Variants in DST observed in about 807,000 individuals in gnomAD.
DST encodes the protein bullous pemphigoid antigen.
In DST, 253 loss-of-function variants were observed where a neutral mutation model predicts 875.2. The observed-to-expected ratio is 0.29, with a 90% CI of 0.26 to 0.32. The LOEUF is 0.32. DST is among the 10% of genes least tolerant of loss of function. The pLI, the probability that DST is intolerant of heterozygous loss-of-function variation, is 1.00. For missense variants in DST, 8,287 were observed against 9,111.6 expected (o/e 0.91, Z 3.68); for synonymous variants, 3,124 against 3,197.1 (o/e 0.98, Z 0.77).
In DST at chr6:56,616,960, T is replaced by C. The variant is rs376926879; in HGVS notation, c.4930-2476A>G. 8 of 1,604,272 alleles carry C rather than the reference T, an allele frequency of 5.0e-6. No individual in the cohort carries two copies. The highest frequency in any genetic ancestry group is 6.0e-6 in the Non-Finnish European group (7 of 1,174,550). On this transcript the variant is annotated intron_variant, in intron 36 of 103. Coordinates refer to ENST00000680361, the MANE Select transcript of DST (RefSeq NM_001374736.1). ...CTGTTGCAGCCTGAGCTTCTAAAAA[T>C]GCCAAAGCCACCATTTTGTCTATTA... is the stretch of plus-strand genomic sequence containing the variant.
At chr6:56,931,973 T>A (rs1004568346) in intron 2 of DST, among the ~76,000 whole-genome samples, 5 of 152,056 alleles carry the variant, frequency 3.3e-5, no homozygotes, top group Admixed American at 2.6e-4. Flanking sequence ...TGGGAAGGCA[T>A]GATTGGTTTT....
chr6:56,467,459 C>T (rs558684027), intron 98 of DST: 1 of 152,114 alleles, frequency 6.6e-6, no homozygotes, highest in African/African-American at 2.4e-5. Flanking sequence ...AATCTTTTTT[C>T]CTTAAACATT....
At chr6:56,818,230 A>C (rs2099768911) in intron 4 of DST, among the ~76,000 whole-genome samples, 1 of 152,292 alleles carries the variant, frequency 6.6e-6, no homozygotes, top group Non-Finnish European at 1.5e-5. Flanking sequence ...TAGGAAACTA[A>C]TACAATTTCC....
Position 56,582,492 on chromosome 6 carries a change from C to A in DST, c.12904-3555G>T, listed in dbSNP as rs2098026158. Among the ~76,000 whole-genome samples, 3 of 150,816 alleles carry A rather than the reference C, an allele frequency of 2.0e-5. No individual in the cohort carries two copies. In the Admixed American group the frequency reaches 2.0e-4, roughly 10 times the overall value. On this transcript the variant is annotated intron_variant, in intron 49 of 103. Coordinates refer to ENST00000680361, the MANE Select transcript of DST (RefSeq NM_001374736.1). The stretch of plus-strand genomic sequence containing the variant: ...CACCATGAGTAAAAGTTCCCTGAGG[C>A]TTCCCCAGAAGCTGAGTGATGTCAG...
chr6:56,949,763 A>G (rs1343413293), intron 2 of DST, among the ~76,000 whole-genome samples: 1 of 152,238 alleles, frequency 6.6e-6, no homozygotes, highest in Non-Finnish European at 1.5e-5. Flanking sequence ...TAACCTAATT[A>G]TAAAGGATTT....
Position 56,603,371 on chromosome 6 carries a change from A to C in DST, c.10991T>G (p.Met3664Arg). Reference protein sequence around the residue: ...APIAVILRKDMKLAEEFLKSL... With the variant: ...APIAVILRKDRKLAEEFLKSL... ...CTTTAAAAACTCTTCTGCCAACTTC[A>C]TATCTTTTCTTAAAATAACAGCAAT... The change falls in exon 42 of 104, where the codon ATG (methionine) becomes AGG (arginine). Residue 3664 changes from methionine to arginine, a missense_variant. Physicochemically the swap from Met to Arg is moderately conservative, Grantham distance 91 (BLOSUM62 -1). Around this residue, in one of 10 missense-constraint regions of DST, gnomAD observed 3,138 missense variants for 3,116.6 expected, o/e 1.01. Coordinates refer to ENST00000680361, the MANE Select transcript of DST (RefSeq NM_001374736.1). 1 of 1,611,112 alleles carries C rather than the reference A, an allele frequency of 6.2e-7. No individual in the cohort carries two copies. Among genetic ancestry groups the C allele is most frequent in the Non-Finnish European group, 8.5e-7 (1 of 1,179,106 alleles).
chr6:56,915,363 C>T (rs181122485), intron 2 of DST, among the ~76,000 whole-genome samples: 1 of 152,124 alleles, frequency 6.6e-6, no homozygotes, highest in Non-Finnish European at 1.5e-5. Flanking sequence ...AGCACCCAAA[C>T]AGCAAGATTT....
At chr6:56,643,010 G>A (rs2098921102) in intron 15 of DST, 1 of 1,139,036 alleles carries the variant, frequency 8.8e-7, no homozygotes, top group Non-Finnish European at 1.2e-6. Flanking sequence ...TTTGCTAGCT[G>A]AGGTTTGCCT....
chr6:56,616,953 C>T (rs143795444), intron 36 of DST: 2 of 1,604,110 alleles, frequency 1.2e-6, no homozygotes, highest in African/African-American at 1.3e-5. Flanking sequence ...GCCTGAGCTT[C>T]TAAAAATGCC....
At chr6:56,934,430 G>A (rs1462549371) in intron 2 of DST, among the ~76,000 whole-genome samples, 1 of 151,088 alleles carries the variant, frequency 6.6e-6, no homozygotes, top group Non-Finnish European at 1.5e-5. Flanking sequence ...GTTATGGTCT[G>A]GGCTTATAAA....
intron 9 of DST, chr6:56,692,629 G>GT (rs1443293423): frequency 7.8e-7 from 1 of 1,289,702 alleles, no homozygotes; most frequent in Non-Finnish European, 1.0e-6. Context: ...AAAAACATCA[G>GT]TTTTTTCCTG....
chr6:56,636,338 ATATG>A (rs1268408620), intron 23 of DST, among the ~76,000 whole-genome samples: 1 of 150,994 alleles, frequency 6.6e-6, no homozygotes, highest in Admixed American at 6.6e-5. Flanking sequence ...GTATATATGT[ATATG>A]TATGTGTATA....
chr6:56,603,592 G>A lies in DST; in HGVS notation c.10913C>T (p.Ala3638Val). ...NQESLDNNLE[A>V]LKNQLRQLET... ...CAACTGTCTAAGTTGATTCTTCAAA[G>A]CTTCCAAGTTGTTATCCAGAGATTC... is the stretch of plus-strand genomic sequence containing the variant. Residue 3638 changes from alanine to valine, a missense_variant, in exon 41 of 104, where the codon GCT becomes GTT. Transcript: ENST00000680361. 6.2e-6 allele frequency: 10 copies of A among 1,609,784 alleles called. No individual in the cohort carries two copies. The highest frequency in any genetic ancestry group is 3.3e-5 in the South Asian group (3 of 90,742).
chr6:56,598,793 T>C (rs1209690781), intron 45 of DST, 84 bp from the exon 46 acceptor site: 2 of 784,550 alleles, frequency 2.5e-6, no homozygotes, highest in Non-Finnish European at 3.9e-6. Flanking sequence ...AAAGACAGAG[T>C]GAGTACAGAG....
At chr6:56,591,741 G>A (rs2098276198) in intron 49 of DST, among the ~76,000 whole-genome samples, 1 of 152,108 alleles carries the variant, frequency 6.6e-6, no homozygotes, top group Non-Finnish European at 1.5e-5. Flanking sequence ...GGGAGGCTGA[G>A]GCAGGTGGAT....
At chr6:56,589,446 T>C (rs996606548) in intron 49 of DST, among the ~76,000 whole-genome samples, 19 of 152,228 alleles carry the variant, frequency 1.2e-4, no homozygotes, top group African/African-American at 4.3e-4. Flanking sequence ...TTGTTTTGAA[T>C]GGATTTCAAG....
chr6:56,877,868 CT>C (rs1482854933), intron 3 of DST, among the ~76,000 whole-genome samples: 2 of 152,124 alleles, frequency 1.3e-5, no homozygotes, highest in African/African-American at 4.8e-5. Context: ...TATTTAGAGA[CT>C]TTTAGAATAA....
chr6:56,503,794 G>C (rs964379356), intron 78 of DST, among the ~76,000 whole-genome samples: 2 of 151,930 alleles, frequency 1.3e-5, no homozygotes, highest in South Asian at 2.1e-4. Flanking sequence ...ACTATAAAAA[G>C]AAAACTATTA....
chr6:56,606,916 A>G lies in DST; in HGVS notation c.7712T>C (p.Ile2571Thr). The G allele has an allele frequency of 6.2e-7, 1 of 1,613,494 alleles. No individual in the cohort carries two copies. Among genetic ancestry groups the G allele is most frequent in the Non-Finnish European group, 8.5e-7 (1 of 1,179,600 alleles). ...VTPGGDTDNA[I>T]VSLTCATPLL... ...TGGTGTAGCACAAGTAAGAGACACA[A>G]TGGCATTATCAGTATCACCCCCTGG... Residue 2571 changes from isoleucine (I) to threonine (T), a missense_variant, in exon 40 of 104, where the codon ATT becomes ACT. Ile to Thr is a moderately conservative substitution (Grantham distance 89). Coordinates refer to ENST00000680361, the MANE Select transcript of DST (RefSeq NM_001374736.1).
Sources: allele counts gnomAD v4.1 joint callset (sites outside exome capture counted in the v4.1 genomes callset), GRCh38; gene constraint gnomAD v4.1.1; regional missense constraint gnomAD v4.1.1; transcripts MANE v1.5; gene names NCBI Gene and HGNC (gene_info 2026-07-23, HGNC 2026-07-21).